DPP10: variants seen among roughly 807,000 people sequenced by gnomAD.
DPP10 encodes inactive dipeptidyl peptidase 10.
In DPP10, 33 loss-of-function variants were observed where a neutral mutation model predicts 120.9. The ratio of observed to expected loss-of-function variants is 0.27; its 90% CI spans 0.21 to 0.37. The LOEUF is 0.37. DPP10 is among the 10% of genes least tolerant of loss of function. DPP10 has a pLI of 1.00. For synonymous variants in DPP10, 337 were observed against 326.1 expected, an observed-to-expected ratio of 1.03 and a Z score of -0.36; for missense variants, 816 against 942.8, an observed-to-expected ratio of 0.87 and a Z score of 1.76.
chr2:115,344,068 G>A (rs138732906), intron 3 of DPP10, among the ~76,000 whole-genome samples, 156 bp downstream of exon 3: 297 of 150,318 alleles, frequency 2.0e-3, no homozygotes, highest in African/African-American at 7.0e-3. Flanking sequence ...CCTGGGAGGC[G>A]GACGTCGCAG....
chr2:114,695,701 A>G (rs769681901), intron 1 of DPP10, among the ~76,000 whole-genome samples: 2 of 152,070 alleles, frequency 1.3e-5, no homozygotes, highest in Non-Finnish European at 2.9e-5. Context: ...CTCTGGTCTA[A>G]TTCTTTTATG....
At chr2:114,567,507 A>G (rs1221249893) in intron 1 of DPP10, among the ~76,000 whole-genome samples, 1 of 152,202 alleles carries the variant, frequency 6.6e-6, no homozygotes, top group Non-Finnish European at 1.5e-5. Flanking sequence ...GCAAGGGGCC[A>G]TAAGCCAAGG....
At chr2:114,775,607 A>G (rs528344713) in intron 1 of DPP10, among the ~76,000 whole-genome samples, 35 of 152,266 alleles carry the variant, frequency 2.3e-4, no homozygotes, top group African/African-American at 8.4e-4. Flanking sequence ...CAGGCTGAGG[A>G]AGCCTAGAAA....
Position 114,515,313 on chromosome 2 carries a change from C to T in DPP10, c.60+72475C>T, listed in dbSNP as rs567333692. On this transcript the variant is annotated intron_variant, in intron 1 of 25. Coordinates refer to ENST00000410059, the MANE Select transcript of DPP10 (RefSeq NM_020868.6). The stretch of plus-strand genomic sequence containing the variant: ...AACTTTAAAGGTACCGAAGTCCAGA[C>T]GTCTAATATACCCTAGAATCTCTCT... Among the ~76,000 whole-genome samples the T allele has an allele frequency of 3.3e-5, 5 of 152,202 alleles. No individual in the cohort carries two copies. In the East Asian group the frequency reaches 7.7e-4, roughly 24 times the overall value.
intron 1 of DPP10, among the ~76,000 whole-genome samples, chr2:114,629,787 T>C (rs1694783587): frequency 6.6e-6 from 1 of 152,076 alleles, no homozygotes; most frequent in African/African-American, 2.4e-5. Context: ...AGAAAATAAT[T>C]TGTCAAATAT....
intron 5 of DPP10, among the ~76,000 whole-genome samples, chr2:115,574,997 G>A (rs72961577): frequency 0.017 from 2,610 of 152,276 alleles, 79 homozygotes; most frequent in African/African-American, 0.059. Context: ...GTTTCCCTGA[G>A]AACTGGTTTT....
chr2:115,613,689 C>T (rs1012445477), intron 5 of DPP10, among the ~76,000 whole-genome samples: 1 of 152,192 alleles, frequency 6.6e-6, no homozygotes, highest in Non-Finnish European at 1.5e-5. Context: ...TTCTCTGAGA[C>T]CCTTTTTCAC....
rs372268732 is a variant in DPP10, at chr2:115,403,478, C to T, written c.271+59566C>T. On this transcript the variant is annotated intron_variant, in intron 3 of 25. Coordinates refer to ENST00000410059, the MANE Select transcript of DPP10 (RefSeq NM_020868.6). ...TCAGTGGCATAATCTCAGCTTACTGCAACCTCCGCCTCCCAGGTTCCAGCG... is the reference window on the plus strand; with the variant it reads ...TCAGTGGCATAATCTCAGCTTACTGTAACCTCCGCCTCCCAGGTTCCAGCG... Among the ~76,000 whole-genome samples, 13 of 147,548 alleles carry T rather than the reference C, an allele frequency of 8.8e-5. 1 individual carries two copies. The East Asian group carries it at 2.6e-3, about 30-fold the overall frequency.
chr2:114,937,212 T>C (rs192680306), intron 1 of DPP10, among the ~76,000 whole-genome samples: 18 of 152,302 alleles, frequency 1.2e-4, no homozygotes, highest in Admixed American at 3.3e-4. Context: ...CTAGGATCTT[T>C]ATGGTTTCAG....
chr2:115,346,957 A>G (rs1051202054), intron 3 of DPP10, among the ~76,000 whole-genome samples: 6 of 152,148 alleles, frequency 3.9e-5, no homozygotes, highest in South Asian at 2.1e-4. Flanking sequence ...CAAGCACCTC[A>G]CTGACAATCT....
intron 1 of DPP10, among the ~76,000 whole-genome samples, chr2:114,530,190 T>C (rs1685843932): frequency 1.3e-5 from 2 of 152,188 alleles, no homozygotes; most frequent in Admixed American, 1.3e-4. Flanking sequence ...TATAATTACA[T>C]AGAATTGTTT....
chr2:115,038,187 C>T (rs1704359429), intron 1 of DPP10, among the ~76,000 whole-genome samples: 1 of 152,094 alleles, frequency 6.6e-6, no homozygotes. Flanking sequence ...CACCACAAGT[C>T]AGAGTTAGCA....
chr2:114,604,202 T>C (rs894591822), intron 1 of DPP10, among the ~76,000 whole-genome samples: 3 of 151,984 alleles, frequency 2.0e-5, no homozygotes, highest in Non-Finnish European at 2.9e-5. Context: ...GCATAGACCA[T>C]ATGGTTTGCA....
chr2:114,465,348 C>T (rs1450896383), intron 1 of DPP10, among the ~76,000 whole-genome samples: 1 of 152,180 alleles, frequency 6.6e-6, no homozygotes, highest in Non-Finnish European at 1.5e-5. Flanking sequence ...CTTTCAGCCT[C>T]CTGATTTTTC....
intron 3 of DPP10, among the ~76,000 whole-genome samples, chr2:115,418,402 A>C (rs1225926124): frequency 6.6e-6 from 1 of 152,172 alleles, no homozygotes; most frequent in Non-Finnish European, 1.5e-5. Flanking sequence ...AAGAGAGTGA[A>C]GAGTGAGAGA....
At chr2:115,559,018 T>C (rs2149037487) in intron 5 of DPP10, among the ~76,000 whole-genome samples, 1 of 152,338 alleles carries the variant, frequency 6.6e-6, no homozygotes, top group South Asian at 2.1e-4. Context: ...ATTTCCCAGA[T>C]ATGATAAATA....
At position 114,961,911 on chromosome 2, in the gene DPP10, G is replaced by A. The variant is rs960678418; in HGVS notation, c.61-347328G>A. 3.3e-5 allele frequency among the ~76,000 whole-genome samples: 5 copies of A among 152,132 alleles called. No homozygotes were observed. In the South Asian group the frequency reaches 8.3e-4, roughly 25 times the overall value. On this transcript the variant is annotated intron_variant, in intron 1 of 25. Coordinates refer to ENST00000410059, the MANE Select transcript of DPP10 (RefSeq NM_020868.6). Reference sequence around the variant, plus strand: ...AAAGGTTGCCGTTAGCTGAGAGCACGCCACTGAACTCCAGCCTGGGCAACA... The same window carrying A: ...AAAGGTTGCCGTTAGCTGAGAGCACACCACTGAACTCCAGCCTGGGCAACA...
chr2:115,171,913 G>A (rs887779852), intron 1 of DPP10, among the ~76,000 whole-genome samples: 2 of 152,078 alleles, frequency 1.3e-5, no homozygotes, highest in Non-Finnish European at 2.9e-5. Flanking sequence ...GAGGTTACAC[G>A]CAAAGCCATA....
chr2:115,266,903 G>A (rs906059640), intron 1 of DPP10, among the ~76,000 whole-genome samples: 2 of 152,052 alleles, frequency 1.3e-5, no homozygotes, highest in Non-Finnish European at 2.9e-5. Context: ...ATTCATTTTG[G>A]GGGGGAGAAT....
Sources: gnomAD v4.1 joint callset for allele counts (sites outside exome capture counted in the v4.1 genomes callset) on GRCh38, gnomAD v4.1.1 for gene constraint, MANE v1.5 for transcripts, NCBI Gene and HGNC (gene_info 2026-07-23, HGNC 2026-07-21) for gene names.